Variants in SDK1 observed in about 807,000 individuals in gnomAD.
The protein encoded by SDK1 is sidekick cell adhesion molecule 1, also known as protein sidekick-1.
A neutral mutation model predicts 245.5 loss-of-function variants in SDK1; 157 were observed. The ratio of observed to expected loss-of-function variants is 0.64; its 90% CI spans 0.56 to 0.73. SDK1 has a LOEUF of 0.73. Ranked by LOEUF, SDK1 falls within the 30% of genes least tolerant of loss-of-function variation. The pLI is 0.00. For missense variants in SDK1, 3,583 were observed against 3,002.3 expected, an observed-to-expected ratio of 1.19 and a Z score of -4.52; for synonymous variants, 1,647 against 1,278.5, an observed-to-expected ratio of 1.29 and a Z score of -6.15.
intron 1 of SDK1, among the ~76,000 whole-genome samples, chr7:3,335,939 G>A (rs1452051790): frequency 6.6e-6 from 1 of 151,786 alleles, no homozygotes; most frequent in African/African-American, 2.4e-5. Flanking sequence ...AGAGAAGACT[G>A]TGGCCACTCT....
intron 35 of SDK1, among the ~76,000 whole-genome samples, chr7:4,187,611 C>T (rs1782967398): frequency 6.6e-6 from 1 of 152,196 alleles, no homozygotes; most frequent in South Asian, 2.1e-4. Context: ...GCCTGCAGAG[C>T]TCATGGCTAT....
intron 22 of SDK1, among the ~76,000 whole-genome samples, chr7:4,090,443 G>T (rs1562794691): frequency 6.6e-6 from 1 of 152,144 alleles, no homozygotes. Context: ...ATTATCATCA[G>T]TGTGGACTCA....
intron 22 of SDK1, among the ~76,000 whole-genome samples, chr7:4,086,776 G>A (rs185682303): frequency 2.6e-5 from 4 of 152,066 alleles, no homozygotes; most frequent in South Asian, 2.1e-4. Flanking sequence ...ATAAGGCAGC[G>A]TACTCATGGG....
At chr7:4,126,155 G>A (rs1471877569) in intron 25 of SDK1, among the ~76,000 whole-genome samples, 1 of 152,218 alleles carries the variant, frequency 6.6e-6, no homozygotes, top group East Asian at 1.9e-4. Context: ...CCAGCTGAGA[G>A]CAGCTCCTCC....
chr7:3,748,512 T>G (rs1303234014), intron 4 of SDK1, among the ~76,000 whole-genome samples: 1 of 152,242 alleles, frequency 6.6e-6, no homozygotes, highest in East Asian at 1.9e-4. Flanking sequence ...TCTCCTTCAC[T>G]GTGTATGTTT....
At chr7:3,913,325 G>T (rs373088949) in intron 5 of SDK1, among the ~76,000 whole-genome samples, 60 of 136,872 alleles carry the variant, frequency 4.4e-4, no homozygotes, top group African/African-American at 1.6e-3. Context: ...ATGGAGTCTC[G>T]CTCTGTCACC....
chr7:4,164,488 C>G (rs554443681), intron 32 of SDK1, among the ~76,000 whole-genome samples: 1 of 152,212 alleles, frequency 6.6e-6, no homozygotes, highest in Non-Finnish European at 1.5e-5. Flanking sequence ...TGCAAAGTCC[C>G]AAGTGCTCGT....
At chr7:4,058,421 A>G (rs1779329022) in intron 19 of SDK1, among the ~76,000 whole-genome samples, 1 of 152,228 alleles carries the variant, frequency 6.6e-6, no homozygotes, top group Non-Finnish European at 1.5e-5. Context: ...CCAAAGGGAT[A>G]CAAACCTGAT....
At chr7:3,955,352 C>A (rs772578608) in intron 7 of SDK1, among the ~76,000 whole-genome samples, 1 of 152,206 alleles carries the variant, frequency 6.6e-6, no homozygotes, top group Admixed American at 6.5e-5. Context: ...TCTCTGCTGT[C>A]CCCTGTGCCT....
chr7:3,648,753 T>C (rs1489647299), intron 4 of SDK1, among the ~76,000 whole-genome samples: 1 of 152,222 alleles, frequency 6.6e-6, no homozygotes, highest in Non-Finnish European at 1.5e-5. Context: ...ATTTTGTGAA[T>C]GTTTATAGAG....
chr7:4,196,721 G>C (rs1263365448), intron 35 of SDK1, among the ~76,000 whole-genome samples: 5 of 152,204 alleles, frequency 3.3e-5, no homozygotes, highest in Non-Finnish European at 2.9e-5. Flanking sequence ...ACCTGCCCGT[G>C]GCCTGCTCTA....
At chr7:3,788,770 G>A (rs748694753) in intron 4 of SDK1, among the ~76,000 whole-genome samples, 22 of 152,216 alleles carry the variant, frequency 1.4e-4, no homozygotes, top group Non-Finnish European at 2.9e-4. Context: ...CATTTGTGTG[G>A]TGTGTCAAGT....
intron 4 of SDK1, among the ~76,000 whole-genome samples, chr7:3,656,461 T>C (rs938397990): frequency 6.6e-6 from 1 of 152,166 alleles, no homozygotes; most frequent in Non-Finnish European, 1.5e-5. Flanking sequence ...ACTCCCGAAG[T>C]GCAAAATTCC....
chr7:3,388,561 A>G (rs1174976014), intron 1 of SDK1, among the ~76,000 whole-genome samples: 1 of 151,990 alleles, frequency 6.6e-6, no homozygotes, highest in East Asian at 1.9e-4. Context: ...AGAAAAGTTG[A>G]ATTTCTCAAA....
intron 5 of SDK1, among the ~76,000 whole-genome samples, chr7:3,843,989 T>A (rs6953036): frequency 6.6e-6 from 1 of 152,018 alleles, no homozygotes; most frequent in Non-Finnish European, 1.5e-5. Flanking sequence ...ATTTATTTAT[T>A]AGACAGAGTC....
intron 35 of SDK1, among the ~76,000 whole-genome samples, chr7:4,184,976 G>C (rs947461839): frequency 6.6e-6 from 1 of 152,200 alleles, no homozygotes; most frequent in Admixed American, 6.5e-5. Context: ...CTTTTCTGCA[G>C]TGGAAGTCCA....
chr7:4,041,044 A>C (rs374678816), intron 17 of SDK1, among the ~76,000 whole-genome samples: 7 of 152,196 alleles, frequency 4.6e-5, no homozygotes, highest in African/African-American at 1.7e-4. Flanking sequence ...TACCCTCACT[A>C]TCTGCCTAAA....
chr7:3,356,388 C>A (rs929178700), intron 1 of SDK1, among the ~76,000 whole-genome samples: 5 of 152,072 alleles, frequency 3.3e-5, no homozygotes, highest in African/African-American at 9.7e-5. Flanking sequence ...CGGAAGCCCT[C>A]GTGTTTGTTA....
chr7:4,097,580 TCCACCTGGCCACCTGTTA>T (rs896157859), intron 22 of SDK1, among the ~76,000 whole-genome samples: 1 of 152,184 alleles, frequency 6.6e-6, no homozygotes, highest in Non-Finnish European at 1.5e-5. Flanking sequence ...GACTTCACTG[TCCACCTGGCCACCTGTTA>T]CCTCTGTAGG....
Sources: allele counts gnomAD v4.1 joint callset (sites outside exome capture counted in the v4.1 genomes callset), GRCh38; gene constraint gnomAD v4.1.1; transcripts MANE v1.5; gene names NCBI Gene and HGNC (gene_info 2026-07-23, HGNC 2026-07-21).